APBB1IP: variants seen among roughly 807,000 people sequenced by gnomAD.
APBB1IP encodes amyloid beta precursor protein binding family B member 1 interacting protein.
APBB1IP carries 27 observed loss-of-function variants against 64.9 expected under a neutral mutation model. The ratio of observed to expected loss-of-function variants is 0.42; its 90% confidence interval spans 0.31 to 0.57. The LOEUF (loss-of-function observed/expected upper bound fraction) is 0.57. Ranked by LOEUF, APBB1IP falls within the 20% of genes least tolerant of loss-of-function variation. The probability of loss-of-function intolerance (pLI) is 0.20; values close to 1 mark genes in which losing one functional copy is unlikely to be tolerated. For missense variants in APBB1IP, 812 were observed against 845.5 expected (o/e 0.96, Z 0.49); for synonymous variants, 392 against 331.0 (o/e 1.18, Z -2.00).
At chr10:26,543,466 CAA>C (rs751555149) in intron 11 of APBB1IP, among the ~76,000 whole-genome samples, 6 of 88,302 alleles carry the variant, frequency 6.8e-5, no homozygotes, top group East Asian at 2.8e-4. Flanking sequence ...GACTCTGTCT[CAA>C]AAAAAAAAAA....
At chr10:26,515,524 A>G (rs1836315409) in intron 8 of APBB1IP, among the ~76,000 whole-genome samples, 1 of 152,220 alleles carries the variant, frequency 6.6e-6, no homozygotes, top group South Asian at 2.1e-4. Context: ...TGTAGTGTCT[A>G]TCTGAACAAC....
intron 8 of APBB1IP, among the ~76,000 whole-genome samples, chr10:26,515,905 C>A (rs1588598141): frequency 6.6e-6 from 1 of 152,192 alleles, no homozygotes; most frequent in African/African-American, 2.4e-5. Context: ...AAGTTGACAC[C>A]AGGGAGATTA....
At position 26,536,224 on chromosome 10, in the gene APBB1IP, A is replaced by G. The variant is rs1588609646; in HGVS notation, c.1044+7A>G. The G allele has an allele frequency of 3.2e-6, 2 of 616,706 alleles. No homozygotes were observed. The highest frequency in any genetic ancestry group is 4.3e-6 in the Non-Finnish European group (2 of 460,146). 38.2% of individuals were successfully genotyped at this position (616,706 alleles called of 1,614,324 possible). On this transcript the variant is annotated splice_region_variant and intron_variant, in intron 10 of 14. Coordinates refer to ENST00000376236, the MANE Select transcript of APBB1IP (RefSeq NM_019043.4). Reference sequence around the variant, plus strand: ...ACCCAAAGGAAAGACTAAGGTCAGAAAAAAAAAAAAAAAAGCACTTAGCAA... The same window carrying G: ...ACCCAAAGGAAAGACTAAGGTCAGAGAAAAAAAAAAAAAAGCACTTAGCAA...
At chr10:26,438,972 G>C (rs936162310) in intron 2 of APBB1IP, 119 bp downstream of exon 2, 2 of 152,218 alleles carry the variant, frequency 1.3e-5, no homozygotes, top group African/African-American at 4.8e-5. Flanking sequence ...CCAGGATCTG[G>C]CCTCGTGAAC....
intron 9 of APBB1IP, among the ~76,000 whole-genome samples, chr10:26,535,223 G>A (rs787049): frequency 0.46 from 69,392 of 151,894 alleles, 16,251 homozygotes; most frequent in East Asian, 0.61. Flanking sequence ...ATTCTTTTCT[G>A]ATACTGATGT....
chr10:26,504,232 T>A (rs1836141358), intron 6 of APBB1IP, among the ~76,000 whole-genome samples: 1 of 152,252 alleles, frequency 6.6e-6, no homozygotes, highest in Non-Finnish European at 1.5e-5. Context: ...TTTTTGCTGG[T>A]GCTCTGGTTT....
chr10:26,499,546 A>G (rs1017814447), intron 4 of APBB1IP, among the ~76,000 whole-genome samples: 2 of 152,110 alleles, frequency 1.3e-5, no homozygotes, highest in African/African-American at 4.8e-5. Context: ...CATCATATCT[A>G]TAGCAGCTAG....
At chr10:26,527,817 C>A (rs1162005248) in intron 8 of APBB1IP, among the ~76,000 whole-genome samples, 4 of 151,510 alleles carry the variant, frequency 2.6e-5, no homozygotes, top group African/African-American at 9.7e-5. Context: ...CTCAGCCTCC[C>A]AAGTAGCTGA....
chr10:26,560,964 C>A, intron 13 of APBB1IP, 120 bp downstream of exon 13: 1 of 629,246 alleles, frequency 1.6e-6, no homozygotes, highest in East Asian at 3.1e-5. Context: ...TGTTTCTCAC[C>A]TGATGATCAG....
intron 2 of APBB1IP, among the ~76,000 whole-genome samples, chr10:26,489,589 T>A (rs1033291201): frequency 6.6e-6 from 1 of 152,234 alleles, no homozygotes; most frequent in African/African-American, 2.4e-5. Flanking sequence ...TCAGCGTCAA[T>A]GCTACCCTGG....
At chr10:26,452,679 T>A (rs1412001339) in intron 2 of APBB1IP, among the ~76,000 whole-genome samples, 1 of 152,210 alleles carries the variant, frequency 6.6e-6, no homozygotes, top group Non-Finnish European at 1.5e-5. Flanking sequence ...ATTCTTTTTT[T>A]AATTTTTATA....
chr10:26,501,398 G>A, intron 5 of APBB1IP: 1 of 539,182 alleles, frequency 1.9e-6, no homozygotes, highest in Non-Finnish European at 3.3e-6. Context: ...TGGGGGAAAT[G>A]TTTTATTAAC....
intron 12 of APBB1IP, 125 bp from the exon 13 acceptor site, chr10:26,560,605 C>G: frequency 1.6e-6 from 1 of 630,194 alleles, no homozygotes; most frequent in Non-Finnish European, 2.6e-6. Flanking sequence ...AAAAAACCAA[C>G]TCAGACAAGT....
At chr10:26,464,814 C>A (rs1422419605) in intron 2 of APBB1IP, among the ~76,000 whole-genome samples, 1 of 152,182 alleles carries the variant, frequency 6.6e-6, no homozygotes, top group African/African-American at 2.4e-5. Context: ...TAGCATTGAA[C>A]CTGAGTTTGA....
chr10:26,502,408 G>A (rs898132316), intron 5 of APBB1IP, among the ~76,000 whole-genome samples: 11 of 152,178 alleles, frequency 7.2e-5, no homozygotes, highest in East Asian at 1.9e-4. Context: ...TTGGGAGGCC[G>A]AGGTGGACGG....
intron 2 of APBB1IP, 101 bp from the exon 3 acceptor site, chr10:26,492,226 G>A (rs1488373179): frequency 2.0e-6 from 2 of 1,024,222 alleles, no homozygotes; most frequent in Admixed American, 4.1e-5. Flanking sequence ...CAACTTAGCT[G>A]CCCATGGATG....
rs1013511226 is a variant in APBB1IP at position 26,506,503 on chromosome 10, C to T, written c.531+3229C>T. Among the ~76,000 whole-genome samples the T allele has an allele frequency of 4.5e-4, 69 of 152,288 alleles. 1 individual carries two copies. Among genetic ancestry groups the T allele is most frequent in the African/African-American group, 1.6e-3 (67 of 41,550 alleles). ...CCTCAAGCAATCCTCCCACTTCAGC[C>T]TGTCAAAGTTCTGGGATTACAGGCA... On this transcript the variant is annotated intron_variant, in intron 6 of 14. Transcript: ENST00000376236.
At chr10:26,534,863 T>C (rs1281650560) in intron 9 of APBB1IP, among the ~76,000 whole-genome samples, 1 of 152,166 alleles carries the variant, frequency 6.6e-6, no homozygotes, top group Non-Finnish European at 1.5e-5. Flanking sequence ...TATCCTGCTG[T>C]CTAATTGGGG....
Position 26,536,227 on chromosome 10 carries a change from A to G in APBB1IP, c.1044+10A>G. The G allele has an allele frequency of 1.3e-6, 2 of 1,552,612 alleles. No homozygotes were observed. Among genetic ancestry groups the G allele is most frequent in the South Asian group, 1.2e-5 (1 of 82,084 alleles). Reference sequence around the variant, plus strand: ...CAAAGGAAAGACTAAGGTCAGAAAAAAAAAAAAAAAAGCACTTAGCAATAA... The same window carrying G: ...CAAAGGAAAGACTAAGGTCAGAAAAGAAAAAAAAAAAGCACTTAGCAATAA... On this transcript the variant is annotated intron_variant, in intron 10 of 14. Coordinates refer to ENST00000376236, the MANE Select transcript of APBB1IP (RefSeq NM_019043.4).
Sources: gnomAD v4.1 joint callset for allele counts (sites outside exome capture counted in the v4.1 genomes callset) on GRCh38, gnomAD v4.1.1 for gene constraint, MANE v1.5 for transcripts, NCBI Gene and HGNC (gene_info 2026-07-23, HGNC 2026-07-21) for gene names.